Variants in RYR2 observed in about 807,000 individuals in gnomAD.
RYR2 encodes the protein cardiac muscle ryanodine receptor-calcium release channel.
Under a neutral mutation model 601.1 loss-of-function variants are expected in RYR2, and 227 were observed. The observed-to-expected ratio is 0.38, with a 90% CI of 0.34 to 0.42. The LOEUF is 0.42. Among genes scored for constraint, RYR2 ranks in the 10% least tolerant of loss-of-function variants. The pLI is 1.00. For synonymous variants in RYR2, 2,223 were observed against 2,175.1 expected (o/e 1.02, Z -0.61); for missense variants, 4,646 against 6,156.5 (o/e 0.75, Z 8.21).
chr1:237,226,298 C>T (rs1558458148), intron 1 of RYR2, among the ~76,000 whole-genome samples: 2 of 152,180 alleles, frequency 1.3e-5, no homozygotes, highest in African/African-American at 4.8e-5. Context: ...TTTAAAAATG[C>T]ATTCCTCTGG....
At chr1:237,803,869 T>C (rs973796323) in intron 98 of RYR2, among the ~76,000 whole-genome samples, 2 of 152,204 alleles carry the variant, frequency 1.3e-5, no homozygotes, top group Non-Finnish European at 2.9e-5. Flanking sequence ...TTTACCACTT[T>C]TGCTGCTTTT....
intron 41 of RYR2, among the ~76,000 whole-genome samples, chr1:237,630,781 G>A (rs1395818991): frequency 6.6e-6 from 1 of 152,274 alleles, no homozygotes; most frequent in East Asian, 1.9e-4. Flanking sequence ...ATGTAATGCA[G>A]TAATGATAAT....
intron 1 of RYR2, among the ~76,000 whole-genome samples, chr1:237,078,896 G>A (rs1351465831): frequency 3.3e-5 from 1 of 30,464 alleles, no homozygotes. Flanking sequence ...CTGGCAAACC[G>A]AATCCAGCAG....
intron 73 of RYR2, among the ~76,000 whole-genome samples, chr1:237,722,170 G>A (rs1432606439): frequency 6.6e-6 from 1 of 152,010 alleles, no homozygotes; most frequent in African/African-American, 2.4e-5. Flanking sequence ...TCTACAATTA[G>A]ACTGTGAATG....
chr1:237,238,740 T>C (rs635214), intron 1 of RYR2, among the ~76,000 whole-genome samples: 135,383 of 152,250 alleles, frequency 0.89, 61,565 homozygotes, highest in East Asian at 1. Flanking sequence ...AATAGACCTG[T>C]GGGTCACCTT....
chr1:237,639,125 A>G lies in RYR2; in HGVS notation c.7039A>G (p.Met2347Val), dbSNP rs764872791. Reference protein sequence around the residue: ...GEGGNGLLAAMEEAIKIAEDP... With the variant: ...GEGGNGLLAAVEEAIKIAEDP... ...AGGTGGGAATGGGCTTCTTGCAGCA[A>G]TGGAAGAAGCCATCAAAATCGCCGA... Residue 2347 changes from methionine to valine, a missense_variant, in exon 46 of 105, where the codon ATG becomes GTG. Met to Val is a conservative substitution (Grantham distance 21). Transcript: ENST00000366574. The G allele has an allele frequency of 1.2e-6, 2 of 1,613,888 alleles. No homozygotes were observed. Among genetic ancestry groups the G allele is most frequent in the Middle Eastern group, 1.7e-4 (1 of 6,058 alleles).
intron 1 of RYR2, among the ~76,000 whole-genome samples, chr1:237,045,884 T>G (rs1298405513): frequency 1.4e-5 from 2 of 147,984 alleles, no homozygotes; most frequent in Non-Finnish European, 3.0e-5. Context: ...TTTTTTTTTT[T>G]TTTTTTTTTT....
At chr1:237,218,232 G>C (rs1489831012) in intron 1 of RYR2, among the ~76,000 whole-genome samples, 1 of 152,138 alleles carries the variant, frequency 6.6e-6, no homozygotes, top group African/African-American at 2.4e-5. Context: ...AATGAAAATT[G>C]TGAATTATTG....
intron 1 of RYR2, among the ~76,000 whole-genome samples, chr1:237,117,389 G>A (rs1012938487): frequency 6.6e-6 from 1 of 152,086 alleles, no homozygotes; most frequent in Non-Finnish European, 1.5e-5. Flanking sequence ...AGAGGAAAAT[G>A]TCATGTTGTA....
chr1:237,117,185 C>G (rs557285377), intron 1 of RYR2, among the ~76,000 whole-genome samples: 1 of 152,006 alleles, frequency 6.6e-6, no homozygotes, highest in Admixed American at 6.6e-5. Flanking sequence ...ATAGCAAATG[C>G]AAAAGTAGAG....
At chr1:237,445,295 T>G (rs1248006525) in intron 13 of RYR2, 106 bp from the exon 14 acceptor site, 1 of 1,431,848 alleles carries the variant, frequency 7.0e-7, no homozygotes, top group African/African-American at 1.4e-5. Context: ...ACCTGCCTTT[T>G]GATTCTATCT....
chr1:237,434,983 C>G (rs1156870978), intron 12 of RYR2, among the ~76,000 whole-genome samples: 2 of 152,092 alleles, frequency 1.3e-5, no homozygotes, highest in Non-Finnish European at 2.9e-5. Context: ...GCCATGTTGC[C>G]CAGGCTGGTC....
intron 1 of RYR2, among the ~76,000 whole-genome samples, chr1:237,148,521 A>ATATATTTAT (rs1417305977): frequency 3.2e-4 from 14 of 44,006 alleles, no homozygotes; most frequent in African/African-American, 1.0e-3. Context: ...CAAGTAAAAA[A>ATATATTTAT]AAAAAAATAT....
intron 1 of RYR2, among the ~76,000 whole-genome samples, chr1:237,124,290 C>T (rs1005093334): frequency 6.6e-6 from 1 of 152,292 alleles, no homozygotes; most frequent in East Asian, 1.9e-4. Context: ...TAACATCTCA[C>T]CGAGTGCGGG....
rs187472379 is a variant in RYR2, at chr1:237,086,091, A to G, written c.48+43522A>G. Among the ~76,000 whole-genome samples, 1,045 of 152,310 alleles carry G rather than the reference A, an allele frequency of 6.9e-3. 4 individuals are homozygous for G. The highest frequency in any genetic ancestry group is 0.014 in the Middle Eastern group (4 of 294). ...TTTTAGCCTAAGGCATGCTCTGTTA[A>G]TGCCTGCATTAGTTTGCCTGAGCTG... On this transcript the variant is annotated intron_variant, in intron 1 of 104. Transcript: ENST00000366574.
At chr1:237,242,164 C>T (rs1330060832) in intron 1 of RYR2, among the ~76,000 whole-genome samples, 2 of 151,022 alleles carry the variant, frequency 1.3e-5, no homozygotes, top group African/African-American at 2.4e-5. Flanking sequence ...GACTTTTTTC[C>T]AGTATGCCTA....
chr1:237,057,874 C>G (rs1662368998), intron 1 of RYR2, among the ~76,000 whole-genome samples: 1 of 152,156 alleles, frequency 6.6e-6, no homozygotes, highest in Non-Finnish European at 1.5e-5. Flanking sequence ...TACTGCTTTT[C>G]TTAATTCGAG....
At chr1:237,471,794 G>A (rs1660754931) in intron 17 of RYR2, among the ~76,000 whole-genome samples, 1 of 151,080 alleles carries the variant, frequency 6.6e-6, no homozygotes, top group Admixed American at 6.6e-5. Context: ...TTGATTGCAG[G>A]CATTCCTAAT....
chr1:237,297,346 A>G (rs1228664392), intron 2 of RYR2, among the ~76,000 whole-genome samples: 4 of 152,174 alleles, frequency 2.6e-5, no homozygotes, highest in African/African-American at 9.7e-5. Context: ...AACTGCAGGA[A>G]CAGATAAGCT....
Sources: allele counts gnomAD v4.1 joint callset (sites outside exome capture counted in the v4.1 genomes callset), GRCh38; gene constraint gnomAD v4.1.1; transcripts MANE v1.5; gene names NCBI Gene and HGNC (gene_info 2026-07-23, HGNC 2026-07-21).